Variants in PDGFRL observed in about 807,000 individuals in gnomAD.
PDGFRL encodes the protein platelet derived growth factor receptor like.
A neutral mutation model predicts 37.2 loss-of-function variants in PDGFRL; 46 were observed. The ratio of observed to expected loss-of-function variants is 1.24; its 90% CI spans 0.98 to 1.58. The LOEUF (loss-of-function observed/expected upper bound fraction) is 1.58. Among genes scored for constraint, PDGFRL ranks in the 40% most tolerant of loss-of-function variants. The pLI is 0.00. For synonymous variants in PDGFRL, 251 were observed against 184.3 expected (o/e 1.36, Z -2.93); for missense variants, 692 against 467.6 (o/e 1.48, Z -4.43).
At chr8:17,593,554 T>C (rs1324621270) in intron 2 of PDGFRL, among the ~76,000 whole-genome samples, 1 of 148,972 alleles carries the variant, frequency 6.7e-6, no homozygotes, top group East Asian at 2.0e-4. Flanking sequence ...GCCGTGATCA[T>C]ACCACTATAT....
chr8:17,641,896 T>TCCCCGCCCCCCCCCCCCCCCCCCCACC (rs67098871), intron 5 of PDGFRL, among the ~76,000 whole-genome samples: 6 of 103,882 alleles, frequency 5.8e-5, no homozygotes, highest in Non-Finnish European at 3.6e-5. Context: ...TCAATAGAGG[T>TCCCCGCCCCCCCCCCCCCCCCCCCACC]CCCCGCCACA....
chr8:17,596,948 T>C (rs1804065943), intron 2 of PDGFRL, among the ~76,000 whole-genome samples: 1 of 152,234 alleles, frequency 6.6e-6, no homozygotes, highest in Non-Finnish European at 1.5e-5. Flanking sequence ...AATGAGTTCT[T>C]TCCAGGGCTA....
chr8:17,632,603 C>G (rs1271790948), intron 4 of PDGFRL, among the ~76,000 whole-genome samples: 1 of 152,244 alleles, frequency 6.6e-6, no homozygotes, highest in Non-Finnish European at 1.5e-5. Context: ...TCCCAAAGTG[C>G]TGGGATTACA....
intron 5 of PDGFRL, among the ~76,000 whole-genome samples, chr8:17,635,126 T>C (rs1045594439): frequency 1.3e-5 from 2 of 152,166 alleles, no homozygotes; most frequent in Non-Finnish European, 2.9e-5. Flanking sequence ...GTTCTCTTTG[T>C]TTTTAATATA....
chr8:17,621,198 T>C lies in PDGFRL; in HGVS notation c.501T>C (p.Phe167=), dbSNP rs1198839318. Residue 167 remains phenylalanine, a synonymous_variant, in exon 3 of 6, where the codon TTT becomes TTC. Transcript: ENST00000251630. The part of the protein sequence containing the change: ...EAKTGSTYIF[F]TEKGELFVPS... The stretch of plus-strand genomic sequence containing the variant: ...AAACGGGCTCCACCTACATCTTTTT[T>C]ACAGGTAAAATACTTGGTGCATTAA... 5.6e-6 allele frequency: 9 copies of C among 1,606,590 alleles called. No homozygotes were observed. The highest frequency in any genetic ancestry group is 7.7e-6 in the Non-Finnish European group (9 of 1,174,716).
intron 1 of PDGFRL, among the ~76,000 whole-genome samples, chr8:17,585,738 T>A (rs912780468): frequency 6.6e-6 from 1 of 152,100 alleles, no homozygotes. Context: ...TAACAAGAAA[T>A]CTCATCCAGG....
chr8:17,600,206 C>G (rs926853428), intron 2 of PDGFRL, among the ~76,000 whole-genome samples: 7 of 152,158 alleles, frequency 4.6e-5, no homozygotes, highest in South Asian at 2.1e-4. Context: ...AACAAGGGCA[C>G]TAAATCCAGA....
At chr8:17,579,941 A>G (rs1393708650) in intron 1 of PDGFRL, among the ~76,000 whole-genome samples, 1 of 152,194 alleles carries the variant, frequency 6.6e-6, no homozygotes, top group Non-Finnish European at 1.5e-5. Context: ...TTCAGCATTT[A>G]TATGGAATAC....
chr8:17,615,237 GTGTACCGTT>G (rs1804499331), intron 2 of PDGFRL, among the ~76,000 whole-genome samples: 1 of 152,256 alleles, frequency 6.6e-6, no homozygotes, highest in African/African-American at 2.4e-5. Context: ...ATAGAAAACA[GTGTACCGTT>G]TCTACTATGG....
At chr8:17,584,786 G>A (rs996935895) in intron 1 of PDGFRL, among the ~76,000 whole-genome samples, 2 of 151,230 alleles carry the variant, frequency 1.3e-5, no homozygotes, top group East Asian at 3.9e-4. Flanking sequence ...GATCCAGACC[G>A]CAAGAAAAAG....
At chr8:17,596,942 A>T (rs539024694) in intron 2 of PDGFRL, among the ~76,000 whole-genome samples, 87 of 152,336 alleles carry the variant, frequency 5.7e-4, no homozygotes, top group African/African-American at 2.0e-3. Flanking sequence ...CCGTAGAATG[A>T]GTTCTTTCCA....
intron 1 of PDGFRL, 64 bp from the exon 2 acceptor site, chr8:17,589,404 T>A: frequency 8.0e-7 from 1 of 1,247,386 alleles, no homozygotes. Flanking sequence ...AAAAAAGTTA[T>A]TGGCCTCAAA....
chr8:17,606,879 GTTTTTTGTTTTTTTGTTTT>G (rs1804289225), intron 2 of PDGFRL, among the ~76,000 whole-genome samples: 1 of 59,050 alleles, frequency 1.7e-5, no homozygotes, highest in East Asian at 1.1e-3. Context: ...CCAGTTTTTC[GTTTTTTGTTTTTTTGTTTT>G]TTTTTTTTTT....
At position 17,589,617 on chromosome 8, in the gene PDGFRL, A is replaced by T. The variant is rs748768894; in HGVS notation, c.205A>T (p.Met69Leu). ...AGCACCAAAGACGCAGTCTATCATG[A>T]TGCAAGTGCTGGATAAAGGTCGCTT... The part of the protein sequence containing the change: ...NSAPKTQSIM[M>L]QVLDKGRFQK... Residue 69 changes from methionine (M) to leucine (L), a missense_variant, in exon 2 of 6, where the codon ATG becomes TTG. Met to Leu is a conservative substitution (Grantham distance 15). Coordinates refer to ENST00000251630, the MANE Select transcript of PDGFRL (RefSeq NM_001372073.1). 2 of 1,614,052 alleles carry T rather than the reference A, an allele frequency of 1.2e-6. No homozygotes were observed. The highest frequency in any genetic ancestry group is 1.1e-5 in the South Asian group (1 of 91,072).
At chr8:17,605,793 T>C (rs1171086656) in intron 2 of PDGFRL, among the ~76,000 whole-genome samples, 1 of 152,204 alleles carries the variant, frequency 6.6e-6, no homozygotes, top group Non-Finnish European at 1.5e-5. Flanking sequence ...TCTGGTCGGA[T>C]GTTAGCATTT....
At chr8:17,629,085 C>CT (rs397892660) in intron 4 of PDGFRL, among the ~76,000 whole-genome samples, 10,616 of 122,866 alleles carry the variant, frequency 0.086, 632 homozygotes, top group Non-Finnish European at 0.12. Context: ...GCCCTGCTAA[C>CT]TTTTTTTTTT....
intron 2 of PDGFRL, among the ~76,000 whole-genome samples, chr8:17,604,179 A>G (rs994738366): frequency 6.6e-5 from 10 of 152,194 alleles, no homozygotes; most frequent in Non-Finnish European, 1.2e-4. Context: ...CAGTGTGGCG[A>G]TTCCTCAGGG....
chr8:17,601,455 G>GT (rs11330550), intron 2 of PDGFRL, among the ~76,000 whole-genome samples: 578 of 145,946 alleles, frequency 4.0e-3, no homozygotes, highest in African/African-American at 6.8e-3. Flanking sequence ...CCCCGTTTTT[G>GT]TTTTTTTTTT....
intron 4 of PDGFRL, among the ~76,000 whole-genome samples, chr8:17,632,487 G>A (rs1025113529): frequency 1.2e-4 from 19 of 152,002 alleles, no homozygotes; most frequent in African/African-American, 3.6e-4. Flanking sequence ...ACAGGCATGC[G>A]CCACCATGCC....
Sources: gnomAD v4.1 joint callset for allele counts (sites outside exome capture counted in the v4.1 genomes callset) on GRCh38, gnomAD v4.1.1 for gene constraint, MANE v1.5 for transcripts, NCBI Gene and HGNC (gene_info 2026-07-23, HGNC 2026-07-21) for gene names.